Variants in NFIC observed in about 807,000 individuals in gnomAD.
NFIC encodes the protein nuclear factor I C.
In NFIC, 12 loss-of-function variants were observed where a neutral mutation model predicts 54.4. That is an observed-to-expected ratio of 0.22 (90% CI 0.14 to 0.36). The LOEUF is 0.36. Among genes scored for constraint, NFIC ranks in the 10% least tolerant of loss-of-function variants. NFIC has a pLI of 1.00. For missense variants in NFIC, 575 were observed against 718.2 expected, an observed-to-expected ratio of 0.80 and a Z score of 2.28; for synonymous variants, 322 against 319.2, an observed-to-expected ratio of 1.01 and a Z score of -0.09.
In NFIC at chr19:3,453,922, C is replaced by A; in HGVS notation, c.1423+6C>A. 6.5e-7 allele frequency: 1 copy of A among 1,530,456 alleles called. No homozygotes were observed. Among genetic ancestry groups the A allele is most frequent in the Non-Finnish European group, 8.8e-7 (1 of 1,140,110 alleles). 94.8% of individuals were successfully genotyped at this position (1,530,456 alleles called of 1,614,324 possible). A position where few individuals can be genotyped will look rare whatever the true frequency, so the allele number is the denominator to read the frequency against. ...CACGTCGCCGACCTCGCCTTGTAAG[C>A]ACGCGGGAAGCGGTGCCCTGGTGGG... On this transcript the variant is annotated splice_donor_region_variant and intron_variant, in intron 9 of 10. Transcript: ENST00000443272. The surrounding 1 kb of genome is among the most constrained non-coding windows in gnomAD (Gnocchi z 6.7).
intron 4 of NFIC, 52 bp from the exon 5 acceptor site, chr19:3,434,225 C>G: frequency 6.4e-7 from 1 of 1,572,692 alleles, no homozygotes; most frequent in Non-Finnish European, 8.6e-7. Context: ...TAAAGCAAAC[C>G]GCAGCACTGG....
chr19:3,390,610 T>C (rs566396751), intron 2 of NFIC, among the ~76,000 whole-genome samples: 181 of 152,202 alleles, frequency 1.2e-3, no homozygotes, highest in African/African-American at 4.1e-3. Context: ...TAGGGCTGCA[T>C]AGGATCCAAT....
At chr19:3,389,924 C>T (rs905356273) in intron 2 of NFIC, among the ~76,000 whole-genome samples, 20 of 152,204 alleles carry the variant, frequency 1.3e-4, no homozygotes, top group African/African-American at 3.9e-4. Context: ...AAGGAGGTTG[C>T]GGTGAACCGA....
intron 2 of NFIC, among the ~76,000 whole-genome samples, chr19:3,394,479 C>CA (rs1161279950): frequency 3.3e-5 from 4 of 120,486 alleles, no homozygotes; most frequent in African/African-American, 1.1e-4. Context: ...GACTTCAACT[C>CA]AAAAAAAAAG....
intron 2 of NFIC, among the ~76,000 whole-genome samples, chr19:3,404,730 C>T (rs1172175116): frequency 6.6e-6 from 1 of 152,216 alleles, no homozygotes; most frequent in Non-Finnish European, 1.5e-5. Flanking sequence ...AAAATGGCCG[C>T]CAGAGGGATG....
At chr19:3,436,321 T>TA (rs2082203054) in intron 6 of NFIC, among the ~76,000 whole-genome samples, 1 of 141,694 alleles carries the variant, frequency 7.1e-6, no homozygotes, top group African/African-American at 2.8e-5. Flanking sequence ...TTTTTTTTTT[T>TA]TTTTTTTTTT....
At chr19:3,363,256 TATATATATATA>T (rs1444385404), upstream of NFIC, among the ~76,000 whole-genome samples, 3 of 75,616 alleles carry the variant, frequency 4.0e-5, no homozygotes, top group Non-Finnish European at 4.9e-5. Context: ...TATATATATA[TATATATATATA>T]TATTTTTTTT....
intron 2 of NFIC, among the ~76,000 whole-genome samples, chr19:3,389,987 A>G (rs1317750941): frequency 6.6e-6 from 1 of 152,228 alleles, no homozygotes; most frequent in Non-Finnish European, 1.5e-5. Flanking sequence ...TCTGTCCCAA[A>G]AACAAAACAA....
rs2082710177 is a variant in NFIC at position 3,465,746 on chromosome 19, G to T, written c.*2977G>T. ...CCCAGACACCATTCACCGACCCACT[G>T]CAGGCTGTCCTCCAACCATGGGGTG... On this transcript the variant is annotated 3_prime_UTR_variant, in exon 11 of 11. Coordinates refer to ENST00000443272, the MANE Select transcript of NFIC (RefSeq NM_001245002.2). 1 of 152,224 alleles carries T rather than the reference G, an allele frequency of 6.6e-6. No individual in the cohort carries two copies. Among genetic ancestry groups the T allele is most frequent in the Admixed American group, 6.5e-5 (1 of 15,278 alleles). The allele number at this position is 152,224 out of a possible 1,614,324, so 9.4% of individuals were successfully genotyped here.
intron 10 of NFIC, chr19:3,457,987 C>T (rs2082585946): frequency 6.6e-6 from 1 of 152,314 alleles, no homozygotes; most frequent in Admixed American, 6.5e-5. Flanking sequence ...GGTCAGGGGC[C>T]AGGGCTCCAG....
At chr19:3,372,424 A>AG (rs1345745030) in intron 1 of NFIC, among the ~76,000 whole-genome samples, 1 of 152,088 alleles carries the variant, frequency 6.6e-6, no homozygotes, top group African/African-American at 2.4e-5. Context: ...TGCATGGATA[A>AG]GGGGGGTCCC....
rs2080967410 is a variant in NFIC, at chr19:3,369,818, G to A, written c.30+3152G>A. 2.0e-5 allele frequency among the ~76,000 whole-genome samples: 3 copies of A among 152,190 alleles called. No homozygotes were observed. Among genetic ancestry groups the A allele is most frequent in the Admixed American group, 1.3e-4 (2 of 15,288 alleles). ...GTTTGGGGCCAAGTCCCTCTTGGCC[G>A]CAGCGTGGCGGATTCCCCGAGCCAC... On this transcript the variant is annotated intron_variant, in intron 1 of 10. Coordinates refer to ENST00000443272, the MANE Select transcript of NFIC (RefSeq NM_001245002.2). The surrounding 1 kb of genome is among the most constrained non-coding windows in gnomAD (Gnocchi z 4.3).
upstream of NFIC, among the ~76,000 whole-genome samples, chr19:3,362,350 G>A (rs118013753): frequency 6.6e-6 from 1 of 152,026 alleles, no homozygotes; most frequent in African/African-American, 2.4e-5. Flanking sequence ...TGCTTGTCAA[G>A]AAGCGTCCTG....
intron 2 of NFIC, among the ~76,000 whole-genome samples, chr19:3,405,377 C>A (rs1044206730): frequency 5.9e-5 from 9 of 152,112 alleles, no homozygotes; most frequent in Non-Finnish European, 1.5e-5. Context: ...TTGATTTGTC[C>A]AGACAGGCGA....
chr19:3,464,076 C>T lies in NFIC; in HGVS notation c.*1307C>T, dbSNP rs925103109. ...GGTGGGCTCTGGGGAAGCCGGTGCGCCCCCCACGCCTCCGCTGCCAGTGCC... is the reference window on the plus strand; with the variant it reads ...GGTGGGCTCTGGGGAAGCCGGTGCGTCCCCCACGCCTCCGCTGCCAGTGCC... On this transcript the variant is annotated 3_prime_UTR_variant, in exon 11 of 11. Coordinates refer to ENST00000443272, the MANE Select transcript of NFIC (RefSeq NM_001245002.2). 2 of 977,494 alleles carry T rather than the reference C, an allele frequency of 2.0e-6. No individual in the cohort carries two copies. The highest frequency in any genetic ancestry group is 4.8e-5 in the South Asian group (1 of 20,954). The allele number at this position is 977,494 out of a possible 1,614,324, so 60.6% of individuals were successfully genotyped here.
At chr19:3,366,707 C>A in intron 1 of NFIC, 41 bp downstream of exon 1, 1 of 1,320,878 alleles carries the variant, frequency 7.6e-7, no homozygotes, top group South Asian at 1.8e-5. Context: ...CCCCCGCGCC[C>A]CCCGCATCCC....
rs992421304 is a variant in NFIC, at chr19:3,375,300, G to A, written c.31-6412G>A. Among the ~76,000 whole-genome samples the A allele has an allele frequency of 1.3e-5, 2 of 152,120 alleles. No individual in the cohort carries two copies. The highest frequency in any genetic ancestry group is 4.8e-5 in the African/African-American group (2 of 41,436). ...ACAACATTGTCCGGGCCTCCTGCCC[G>A]CCTGGCATCTCCTCCACAGGCAGGT... On this transcript the variant is annotated intron_variant, in intron 1 of 10. Transcript: ENST00000443272. This position sits in a 1 kb window ranked among gnomAD's most constrained non-coding sequence, Gnocchi z 4.6.
chr19:3,380,628 CTTTT>C (rs1159916071), intron 1 of NFIC, among the ~76,000 whole-genome samples: 18,073 of 95,958 alleles, frequency 0.19, 2,727 homozygotes, highest in African/African-American at 0.33. Flanking sequence ...TGCGCCCAGG[CTTTT>C]TTTTTTTTTT....
rs886524496 is a variant in NFIC at position 3,465,427 on chromosome 19, A to C, written c.*2658A>C. Reference sequence around the variant, plus strand: ...TAAAATAAAAAATAAGAAAGTGAGAATCTAAAAAAAAAAAAAAAAAAAAAA... The same window carrying C: ...TAAAATAAAAAATAAGAAAGTGAGACTCTAAAAAAAAAAAAAAAAAAAAAA... On this transcript the variant is annotated 3_prime_UTR_variant, in exon 11 of 11. Transcript: ENST00000443272. 5 of 132,608 alleles carry C rather than the reference A, an allele frequency of 3.8e-5. No homozygotes were observed. The highest frequency in any genetic ancestry group is 1.7e-4 in the African/African-American group (5 of 28,746). The allele number at this position is 132,608 out of a possible 1,614,324, so 8.2% of individuals were successfully genotyped here. A position where few individuals can be genotyped will look rare whatever the true frequency, so the allele number is the denominator to read the frequency against.
Sources: allele counts gnomAD v4.1 joint callset (sites outside exome capture counted in the v4.1 genomes callset), GRCh38; gene constraint gnomAD v4.1.1; non-coding constraint Gnocchi (gnomAD v3.1); transcripts MANE v1.5; gene names NCBI Gene and HGNC (gene_info 2026-07-23, HGNC 2026-07-21).